Variants in DPCD observed in about 807,000 individuals in gnomAD.
DPCD encodes the protein deleted in primary ciliary dyskinesia homolog (mouse), also known as protein DPCD.
DPCD carries 20 observed loss-of-function variants against 26.4 expected under a neutral mutation model. The observed-to-expected ratio is 0.76, with a 90% CI of 0.53 to 1.10. The LOEUF is 1.10. Ranked by LOEUF, DPCD falls within the 50% of genes least tolerant of loss-of-function variation. DPCD has a pLI of 0.00. For synonymous variants in DPCD, 97 were observed against 94.2 expected (o/e 1.03, Z -0.17); for missense variants, 202 against 253.9 (o/e 0.80, Z 1.39).
chr10:101,601,364 G>A, intron 4 of DPCD, 28 bp downstream of exon 4: 1 of 1,611,814 alleles, frequency 6.2e-7, no homozygotes, highest in Admixed American at 1.7e-5. Context: ...CACCCTGTGT[G>A]CTTGTGTATG....
chr10:101,601,930 C>A (rs980980104), intron 4 of DPCD, among the ~76,000 whole-genome samples: 2 of 152,142 alleles, frequency 1.3e-5, no homozygotes, highest in Non-Finnish European at 2.9e-5. Context: ...CCTTTGTGGT[C>A]CCCTAGAGGG....
In DPCD at chr10:101,609,589, G is replaced by A. The variant is rs2063761977; in HGVS notation, c.*118G>A. 2 of 784,642 alleles carry A rather than the reference G, an allele frequency of 2.5e-6. No individual in the cohort carries two copies. The highest frequency in any genetic ancestry group is 3.5e-5 in the African/African-American group (2 of 57,448). 48.6% of individuals were successfully genotyped at this position (784,642 alleles called of 1,614,324 possible). On this transcript the variant is annotated 3_prime_UTR_variant, in exon 6 of 6. Coordinates refer to ENST00000370151, the MANE Select transcript of DPCD (RefSeq NM_015448.3). ...GAGCTATCAAGGGTCTCTAAGAACT[G>A]GGCATGGGGCACTCCTAGCCAGTGA... is the stretch of plus-strand genomic sequence containing the variant.
In DPCD at chr10:101,605,162, T is replaced by C. The variant is rs868673369; in HGVS notation, c.405-3673T>C. 1.8e-4 allele frequency: 279 copies of C among 1,550,536 alleles called. 1 individual carries two copies. The African/African-American group carries it at 3.2e-3, about 18-fold the overall frequency. On this transcript the variant is annotated intron_variant, in intron 4 of 5. Transcript: ENST00000370151. The stretch of plus-strand genomic sequence containing the variant: ...AAGGCGGACTGGTTGGAGGCTTCTC[T>C]GGACCCCTCTGGCCATGCGGTGTGC...
chr10:101,609,370 C>T lies in DPCD; in HGVS notation c.511C>T (p.Gln171Ter). 6.2e-7 allele frequency: 1 copy of T among 1,614,016 alleles called. No individual in the cohort carries two copies. The highest frequency in any genetic ancestry group is 8.5e-7 in the Non-Finnish European group (1 of 1,179,964). ...TTATTCCTGGCTGCATCCACAGTAC[C>T]AGAAGCCAAAGGAGGTTGTGGTGGC... Reference protein sequence around the residue: ...HANCTLIISYQKPKEVVVAES... With the variant: ...HANCTLIISY The change falls in exon 6 of 6, where the codon CAG becomes TAG. Residue 171 changes from glutamine to a stop codon, truncating the protein, a stop_gained. Transcript: ENST00000370151. LOFTEE classifies it high-confidence loss of function.
chr10:101,597,308 G>A (rs2063660604), intron 2 of DPCD, among the ~76,000 whole-genome samples: 1 of 152,140 alleles, frequency 6.6e-6, no homozygotes, highest in Admixed American at 6.6e-5. Context: ...GATTCCCTTC[G>A]GCCTCCTCTG....
intron 1 of DPCD, chr10:101,588,646 T>A: frequency 7.5e-7 from 1 of 1,330,940 alleles, no homozygotes; most frequent in Non-Finnish European, 9.6e-7. Context: ...GCTAATATAG[T>A]AATTTCTTTT....
chr10:101,601,361 T>C, intron 4 of DPCD, 25 bp downstream of exon 4: 1 of 1,611,606 alleles, frequency 6.2e-7, no homozygotes, highest in Non-Finnish European at 8.5e-7. Flanking sequence ...AGGCACCCTG[T>C]GTGCTTGTGT....
chr10:101,602,851 A>G (rs1183225590), intron 4 of DPCD, among the ~76,000 whole-genome samples: 1 of 152,244 alleles, frequency 6.6e-6, no homozygotes, highest in Admixed American at 6.5e-5. Context: ...GAATACAGAT[A>G]TCAGACAGAA....
rs1564897768 is a variant in DPCD, at chr10:101,608,953, A to G, written c.507+16A>G. 1 of 1,588,310 alleles carries G rather than the reference A, an allele frequency of 6.3e-7. No individual in the cohort carries two copies. ...GATCATCTCTGTAAGATTCACCCAG[A>G]CTTCTTGGACACTGCATCAGGGAGA... On this transcript the variant is annotated intron_variant, in intron 5 of 5. Transcript: ENST00000370151.
intron 1 of DPCD, among the ~76,000 whole-genome samples, chr10:101,593,850 G>A (rs902589690): frequency 4.6e-5 from 7 of 152,122 alleles, no homozygotes; most frequent in Non-Finnish European, 1.0e-4. Context: ...TTCTTTCAAC[G>A]GATAGTGCAT....
At chr10:101,605,180 C>T (rs1431563873) in intron 4 of DPCD, 11 of 1,550,426 alleles carry the variant, frequency 7.1e-6, no homozygotes, top group Admixed American at 2.0e-5. Flanking sequence ...TCTGGCCATG[C>T]GGTGTGCAGG....
Position 101,600,011 on chromosome 10 carries a change from A to G in DPCD, c.146-727A>G, listed in dbSNP as rs1322612654. Among the ~76,000 whole-genome samples, 1 of 152,230 alleles carries G rather than the reference A, an allele frequency of 6.6e-6. No homozygotes were observed. The highest frequency in any genetic ancestry group is 1.5e-5 in the Non-Finnish European group (1 of 68,044). ...TCTTGATTTATAATTTTCATAATAT[A>G]TGTGCCTTAAAATCTTATGCAAGCA... On this transcript the variant is annotated intron_variant, in intron 2 of 5. Coordinates refer to ENST00000370151, the MANE Select transcript of DPCD (RefSeq NM_015448.3). The surrounding 1 kb of genome is among the most constrained non-coding windows in gnomAD (Gnocchi z 4.7).
At chr10:101,608,968 C>T in intron 5 of DPCD, 31 bp downstream of exon 5, 1 of 1,538,046 alleles carries the variant, frequency 6.5e-7, no homozygotes, top group Non-Finnish European at 9.0e-7. Context: ...TTGGACACTG[C>T]ATCAGGGAGA....
At chr10:101,596,355 G>C (rs56085902) in intron 2 of DPCD, among the ~76,000 whole-genome samples, 2 of 152,134 alleles carry the variant, frequency 1.3e-5, no homozygotes, top group Non-Finnish European at 2.9e-5. Context: ...TCATTTACTC[G>C]TCCTCGTTAA....
chr10:101,606,876 C>A (rs184373062), intron 4 of DPCD, among the ~76,000 whole-genome samples: 3 of 152,286 alleles, frequency 2.0e-5, no homozygotes, highest in Admixed American at 2.0e-4. Flanking sequence ...ATGCTCCCTA[C>A]TCCCTTGAGC....
At chr10:101,608,286 C>A (rs544125889) in intron 4 of DPCD, among the ~76,000 whole-genome samples, 2 of 152,322 alleles carry the variant, frequency 1.3e-5, no homozygotes, top group African/African-American at 2.4e-5. Context: ...AGTAGATATA[C>A]TTTTCCCTCT....
chr10:101,594,719 G>A lies in DPCD; in HGVS notation c.126G>A (p.Glu42=). The part of the protein sequence containing the change: ...DGKEMAEEYD[E]KTSELLVRKW... ...AGGAAATGGCTGAAGAATATGACGA[G>A]AAGACGAGTGAACTACTTGGTAAGT... Residue 42 remains glutamate, a synonymous_variant, in exon 2 of 6, where the codon GAG becomes GAA. Transcript: ENST00000370151. 1 of 1,614,204 alleles carries A rather than the reference G, an allele frequency of 6.2e-7. No individual in the cohort carries two copies. Among genetic ancestry groups the A allele is most frequent in the Non-Finnish European group, 8.5e-7 (1 of 1,180,014 alleles).
Position 101,594,755 on chromosome 10 carries a change from C to T in DPCD, c.145+17C>T, listed in dbSNP as rs773442179. The T allele has an allele frequency of 3.1e-6, 5 of 1,611,428 alleles. No homozygotes were observed. Among genetic ancestry groups the T allele is most frequent in the Non-Finnish European group, 4.2e-6 (5 of 1,178,018 alleles). ...AACTACTTGGTAAGTGACAGAGGCTCCCAGTGGGCCTTTAGTAATACTTGG... is the reference window on the plus strand; with the variant it reads ...AACTACTTGGTAAGTGACAGAGGCTTCCAGTGGGCCTTTAGTAATACTTGG... On this transcript the variant is annotated intron_variant, in intron 2 of 5. Coordinates refer to ENST00000370151, the MANE Select transcript of DPCD (RefSeq NM_015448.3).
intron 1 of DPCD, among the ~76,000 whole-genome samples, chr10:101,590,005 A>G (rs999855629): frequency 1.3e-5 from 2 of 151,276 alleles, no homozygotes; most frequent in Non-Finnish European, 2.9e-5. Flanking sequence ...GTGAGCCGAG[A>G]TCATGCCAGT....
Sources: gnomAD v4.1 joint callset for allele counts (sites outside exome capture counted in the v4.1 genomes callset) on GRCh38, gnomAD v4.1.1 for gene constraint, Gnocchi (gnomAD v3.1) non-coding constraint, MANE v1.5 for transcripts, NCBI Gene and HGNC (gene_info 2026-07-23, HGNC 2026-07-21) for gene names.